Variants in SCGN observed in about 807,000 individuals in gnomAD.
SCGN encodes the protein secretagogin, EF-hand calcium binding protein.
SCGN carries 30 observed loss-of-function variants against 39.7 expected under a neutral mutation model. The observed-to-expected ratio is 0.76, with a 90% CI of 0.57 to 1.03. The LOEUF is 1.03. Ranked by LOEUF, SCGN falls within the 50% of genes least tolerant of loss-of-function variation. The pLI is 0.00. For synonymous variants in SCGN, 106 were observed against 114.1 expected (o/e 0.93, Z 0.45); for missense variants, 353 against 349.4 (o/e 1.01, Z -0.08).
At chr6:25,684,708 G>A (rs112047343) in intron 7 of SCGN, among the ~76,000 whole-genome samples, 4,277 of 152,194 alleles carry the variant, frequency 0.028, 170 homozygotes, top group African/African-American at 0.088. Flanking sequence ...TCTTCAAGAG[G>A]CTCAGGCAGG....
chr6:25,690,164 T>C (rs1759757486), intron 9 of SCGN, among the ~76,000 whole-genome samples: 1 of 152,208 alleles, frequency 6.6e-6, no homozygotes, highest in Non-Finnish European at 1.5e-5. Flanking sequence ...AGCATAGAGG[T>C]GGTTAAACAC....
chr6:25,684,369 T>A (rs1209374461), intron 7 of SCGN, among the ~76,000 whole-genome samples: 1 of 152,198 alleles, frequency 6.6e-6, no homozygotes, highest in Non-Finnish European at 1.5e-5. Context: ...GGATACCAGA[T>A]ACCCAAATCC....
At chr6:25,653,231 AGAGGTAGG>A (rs1561758373) in intron 1 of SCGN, 143 bp from the exon 2 acceptor site, 1 of 600,282 alleles carries the variant, frequency 1.7e-6, no homozygotes, top group Non-Finnish European at 2.9e-6. Flanking sequence ...CATGTATTCT[AGAGGTAGG>A]TGTTGGCACT....
chr6:25,667,283 A>G (rs1436618021), intron 4 of SCGN, among the ~76,000 whole-genome samples: 1 of 152,058 alleles, frequency 6.6e-6, no homozygotes, highest in East Asian at 1.9e-4. Flanking sequence ...TTTAAATTCC[A>G]CTTTTCCTGC....
At chr6:25,652,525 T>G in intron 1 of SCGN, 40 bp downstream of exon 1, 1 of 1,591,142 alleles carries the variant, frequency 6.3e-7, no homozygotes, top group Non-Finnish European at 8.6e-7. Flanking sequence ...GGTGTAGACG[T>G]GGCTCCAAGC....
At position 25,654,326 on chromosome 6, in the gene SCGN, G is replaced by T. The variant is rs142675794; in HGVS notation, c.153+874G>T. On this transcript the variant is annotated intron_variant, in intron 2 of 10. Coordinates refer to ENST00000377961, the MANE Select transcript of SCGN (RefSeq NM_006998.4). ...TTGAGAACATGGGGAGGGTATGTGG[G>T]GGGCAGGGGAAGCTGGTTCAGAAAC... Among the ~76,000 whole-genome samples, 512 of 152,310 alleles carry T rather than the reference G, an allele frequency of 3.4e-3. 3 individuals carry two copies. Among genetic ancestry groups the T allele is most frequent in the African/African-American group, 0.012 (487 of 41,562 alleles).
chr6:25,686,748 T>G (rs970062649), intron 7 of SCGN, among the ~76,000 whole-genome samples: 1 of 152,316 alleles, frequency 6.6e-6, no homozygotes, highest in Middle Eastern at 3.4e-3. Flanking sequence ...GTTTTAGATG[T>G]CATATCTAGG....
At chr6:25,686,109 C>A (rs1759702345) in intron 7 of SCGN, among the ~76,000 whole-genome samples, 1 of 152,124 alleles carries the variant, frequency 6.6e-6, no homozygotes. Flanking sequence ...TATGTACATA[C>A]CACATTTTGT....
chr6:25,682,833 C>T (rs1237243792), intron 7 of SCGN, among the ~76,000 whole-genome samples: 2 of 152,134 alleles, frequency 1.3e-5, no homozygotes, highest in Non-Finnish European at 2.9e-5. Flanking sequence ...GGAGGTAACT[C>T]GACAAAGTCA....
intron 10 of SCGN, among the ~76,000 whole-genome samples, chr6:25,700,423 A>T (rs1233195470): frequency 4.6e-5 from 7 of 152,128 alleles, no homozygotes; most frequent in Non-Finnish European, 8.8e-5. Flanking sequence ...TTGGAATCAG[A>T]GGACTATTGA....
At chr6:25,661,245 A>G (rs757222959) in intron 2 of SCGN, among the ~76,000 whole-genome samples, 1 of 152,228 alleles carries the variant, frequency 6.6e-6, no homozygotes, top group African/African-American at 2.4e-5. Context: ...TCACAACCAA[A>G]TACAACACTG....
chr6:25,688,484 C>T (rs1759732734), intron 7 of SCGN, among the ~76,000 whole-genome samples: 1 of 152,142 alleles, frequency 6.6e-6, no homozygotes, highest in South Asian at 2.1e-4. Flanking sequence ...AATGCTACGA[C>T]AGTCATTGTT....
rs1223070256 is a variant in SCGN at position 25,652,334 on chromosome 6, CGGTGAAGGAGTCCTTCCCAAAG to C, written c.-69_-48del. The C allele has an allele frequency of 8.7e-7, 1 of 1,152,738 alleles. No individual in the cohort carries two copies. The allele number at this position is 1,152,738 out of a possible 1,614,324, so 71.4% of individuals were successfully genotyped here. Reference sequence around the variant, plus strand: ...AAGCAGGAGAGCAAGTCAAGAAATACGGTGAAGGAGTCCTTCCCAAAGTTGTCTAGGTCCTTCCGCGCCGGTG... The same window carrying C: ...AAGCAGGAGAGCAAGTCAAGAAATACTTGTCTAGGTCCTTCCGCGCCGGTG... On this transcript the variant is annotated 5_prime_UTR_variant, in exon 1 of 11. Coordinates refer to ENST00000377961, the MANE Select transcript of SCGN (RefSeq NM_006998.4).
At chr6:25,665,115 TC>T in intron 4 of SCGN, 83 bp downstream of exon 4, 1 of 1,022,004 alleles carries the variant, frequency 9.8e-7, no homozygotes. Context: ...CTGCCACCAC[TC>T]CTGCCCAGTG....
intron 6 of SCGN, among the ~76,000 whole-genome samples, chr6:25,677,306 C>G (rs1759576785): frequency 6.6e-6 from 1 of 152,088 alleles, no homozygotes; most frequent in Non-Finnish European, 1.5e-5. Flanking sequence ...ACCTATAATT[C>G]AGATATTTGT....
In SCGN at chr6:25,661,628, G is replaced by A. The variant is rs376721140; in HGVS notation, c.230G>A (p.Arg77His). 1.0e-4 allele frequency: 165 copies of A among 1,611,222 alleles called. No homozygotes were observed. Among genetic ancestry groups the A allele is most frequent in the Middle Eastern group, 1.6e-4 (1 of 6,082 alleles). Residue 77 changes from arginine (R) to histidine (H), a missense_variant, in exon 3 of 11, where the codon CGC becomes CAC. Transcript: ENST00000377961. ...MTTQDASKDGRIRMKELAGMF... is the reference protein window; with the variant it reads ...MTTQDASKDGHIRMKELAGMF... ...ACCCAAGATGCCTCTAAAGATGGTC[G>A]CATTCGGATGAAAGAGGTAACTTTA...
chr6:25,654,097 G>A (rs755000573), intron 2 of SCGN, among the ~76,000 whole-genome samples: 13 of 152,188 alleles, frequency 8.5e-5, no homozygotes, highest in South Asian at 2.1e-4. Flanking sequence ...ACACATGAGC[G>A]GAGGACAGCC....
At chr6:25,696,801 A>G (rs1759843670) in intron 10 of SCGN, among the ~76,000 whole-genome samples, 2 of 152,174 alleles carry the variant, frequency 1.3e-5, no homozygotes, top group Non-Finnish European at 2.9e-5. Context: ...TCTATCACGG[A>G]AGATAGCATT....
intron 2 of SCGN, among the ~76,000 whole-genome samples, chr6:25,656,857 T>C (rs1408069216): frequency 1.3e-5 from 2 of 152,202 alleles, no homozygotes; most frequent in Non-Finnish European, 2.9e-5. Context: ...TAAAATCTAA[T>C]TTTTCACCAA....
Sources: gnomAD v4.1 joint callset for allele counts (sites outside exome capture counted in the v4.1 genomes callset) on GRCh38, gnomAD v4.1.1 for gene constraint, MANE v1.5 for transcripts, NCBI Gene and HGNC (gene_info 2026-07-23, HGNC 2026-07-21) for gene names.